ARID2: variants seen among roughly 807,000 people sequenced by gnomAD.
The protein encoded by ARID2 is AT-rich interactive domain-containing protein 2.
In ARID2, 32 loss-of-function variants were observed where a neutral mutation model predicts 184.6. The observed-to-expected ratio is 0.17, with a 90% CI of 0.13 to 0.23. The LOEUF is 0.23. Ranked by LOEUF, ARID2 falls within the 10% of genes least tolerant of loss-of-function variation. ARID2 has a pLI of 1.00. For synonymous variants in ARID2, 836 were observed against 772.6 expected (o/e 1.08, Z -1.36); for missense variants, 1,696 against 2,197.6 (o/e 0.77, Z 4.56).
At chr12:45,786,944 A>G (rs1256503133) in intron 3 of ARID2, among the ~76,000 whole-genome samples, 1 of 152,214 alleles carries the variant, frequency 6.6e-6, no homozygotes, top group Non-Finnish European at 1.5e-5. Context: ...GGTCACACTC[A>G]TAAAACAAAA....
intron 3 of ARID2, among the ~76,000 whole-genome samples, chr12:45,798,612 A>G (rs531198969): frequency 7.9e-5 from 12 of 152,270 alleles, no homozygotes; most frequent in African/African-American, 2.6e-4. Flanking sequence ...CAGTTAAGCA[A>G]GTTCTTCTAA....
intron 3 of ARID2, among the ~76,000 whole-genome samples, chr12:45,799,637 A>G (rs1055892592): frequency 2.6e-5 from 4 of 152,210 alleles, no homozygotes; most frequent in South Asian, 4.1e-4. Flanking sequence ...TTGGGAGTCA[A>G]AAGATACTAC....
intron 20 of ARID2, among the ~76,000 whole-genome samples, chr12:45,901,412 C>T (rs540229276): frequency 9.2e-5 from 14 of 151,758 alleles, no homozygotes; most frequent in East Asian, 7.8e-4. Context: ...CCTCGTGATC[C>T]GCCCTCCTCA....
At chr12:45,881,555 C>CA (rs1944099149) in intron 16 of ARID2, 1 of 153,270 alleles carries the variant, frequency 6.5e-6, no homozygotes, top group Non-Finnish European at 1.5e-5. Flanking sequence ...TTTTGACTGG[C>CA]TTTTTTTTAC....
intron 3 of ARID2, among the ~76,000 whole-genome samples, chr12:45,805,395 C>T (rs899970497): frequency 2.6e-5 from 4 of 151,990 alleles, no homozygotes; most frequent in Admixed American, 1.3e-4. Flanking sequence ...TAGTTTTCTT[C>T]TCCCATTTAT....
At position 45,862,589 on chromosome 12, in the gene ARID2, C is replaced by T. The variant is rs1943766898; in HGVS notation, c.4922+1640C>T. On this transcript the variant is annotated intron_variant, in intron 16 of 20. Transcript: ENST00000334344. ...TTGTCGCAGTGGTGCACTCCTGTAG[C>T]CCCAGCTGCCCAGGAAGGCTGAGGC... Among the ~76,000 whole-genome samples the T allele has an allele frequency of 3.3e-5, 5 of 152,228 alleles. No homozygotes were observed. The South Asian group carries it at 1.0e-3, about 32-fold the overall frequency.
chr12:45,751,254 AG>A (rs1941460117), intron 3 of ARID2, among the ~76,000 whole-genome samples: 1 of 152,238 alleles, frequency 6.6e-6, no homozygotes, highest in African/African-American at 2.4e-5. Context: ...GGAGCAAACC[AG>A]GTGGATATTT....
At chr12:45,786,212 G>A (rs1368784093) in intron 3 of ARID2, among the ~76,000 whole-genome samples, 2 of 152,098 alleles carry the variant, frequency 1.3e-5, no homozygotes, top group African/African-American at 4.8e-5. Flanking sequence ...AACAAAGGTA[G>A]TAAGTCCTTT....
intron 20 of ARID2, among the ~76,000 whole-genome samples, chr12:45,894,455 A>G (rs2136464041): frequency 6.6e-6 from 1 of 152,288 alleles, no homozygotes; most frequent in South Asian, 2.1e-4. Flanking sequence ...AATCCATGTT[A>G]GTTCTTCCCT....
chr12:45,852,951 A>G (rs1943584451), intron 15 of ARID2, 55 bp downstream of exon 15: 5 of 1,470,696 alleles, frequency 3.4e-6, no homozygotes, highest in East Asian at 2.4e-5. Context: ...TGTAAATACA[A>G]TTTTAGAGGG....
At chr12:45,761,105 G>C (rs1397308901) in intron 3 of ARID2, among the ~76,000 whole-genome samples, 1 of 152,134 alleles carries the variant, frequency 6.6e-6, no homozygotes, top group African/African-American at 2.4e-5. Context: ...TTATTTCTAT[G>C]TTAGAACTTA....
chr12:45,901,672 C>T (rs911559744), intron 20 of ARID2, among the ~76,000 whole-genome samples: 1 of 151,828 alleles, frequency 6.6e-6, no homozygotes, highest in African/African-American at 2.4e-5. Flanking sequence ...TTATCCTCCG[C>T]CCCCCAAGAC....
chr12:45,767,708 G>C (rs1429678504), intron 3 of ARID2, among the ~76,000 whole-genome samples: 1 of 152,210 alleles, frequency 6.6e-6, no homozygotes, highest in East Asian at 1.9e-4. Context: ...GAGAACGATG[G>C]TGTGTGGTAT....
chr12:45,889,047 A>T (rs1380766254), intron 16 of ARID2, among the ~76,000 whole-genome samples: 2 of 152,116 alleles, frequency 1.3e-5, no homozygotes, highest in Non-Finnish European at 2.9e-5. Flanking sequence ...AAAATTAGGC[A>T]TTGTGGTGCA....
At chr12:45,782,404 G>A (rs916849513) in intron 3 of ARID2, among the ~76,000 whole-genome samples, 1 of 152,188 alleles carries the variant, frequency 6.6e-6, no homozygotes, top group Non-Finnish European at 1.5e-5. Flanking sequence ...GGCCGAGGTG[G>A]ATGGATCACC....
chr12:45,881,345 T>C (rs781476637), intron 16 of ARID2: 57 of 168,592 alleles, frequency 3.4e-4, no homozygotes, highest in East Asian at 7.0e-4. Context: ...CATGTTGCCT[T>C]TCTTTTCCAA....
chr12:45,745,165 G>C (rs1044685431), intron 3 of ARID2, among the ~76,000 whole-genome samples: 2 of 152,194 alleles, frequency 1.3e-5, no homozygotes, highest in Non-Finnish European at 2.9e-5. Flanking sequence ...ATGTTTTGTA[G>C]AAGCCCAGTA....
chr12:45,832,462 TCC>T (rs1198384808), intron 6 of ARID2, among the ~76,000 whole-genome samples: 1 of 152,144 alleles, frequency 6.6e-6, no homozygotes, highest in African/African-American at 2.4e-5. Context: ...TATTTTTCTT[TCC>T]CCTCTTGTTT....
intron 6 of ARID2, among the ~76,000 whole-genome samples, chr12:45,824,868 T>C (rs916938554): frequency 2.5e-4 from 36 of 143,572 alleles, no homozygotes; most frequent in Non-Finnish European, 4.5e-5. Context: ...TATATATACA[T>C]ATATATATAT....
Sources: allele counts gnomAD v4.1 joint callset (sites outside exome capture counted in the v4.1 genomes callset), GRCh38; gene constraint gnomAD v4.1.1; transcripts MANE v1.5; gene names NCBI Gene and HGNC (gene_info 2026-07-23, HGNC 2026-07-21).